SPRED1: variants seen among roughly 807,000 people sequenced by gnomAD.
SPRED1 encodes the protein sprouty related EVH1 domain containing 1, also known as sprouty-related, EVH1 domain-containing protein 1.
Under a neutral mutation model 52.3 loss-of-function variants are expected in SPRED1, and 18 were observed. That is an observed-to-expected ratio of 0.34 (90% CI 0.24 to 0.51). The LOEUF (loss-of-function observed/expected upper bound fraction) is 0.51, where lower values mean the gene tolerates loss of function less well. SPRED1 is among the 20% of genes least tolerant of loss of function. SPRED1 has a pLI of 0.97. For synonymous variants in SPRED1, 155 were observed against 179.7 expected, an observed-to-expected ratio of 0.86 and a Z score of 1.10; for missense variants, 485 against 551.0, an observed-to-expected ratio of 0.88 and a Z score of 1.20.
chr15:38,349,389 G>T (rs772936179), intron 5 of SPRED1, 33 bp from the exon 6 acceptor site: 1 of 1,486,234 alleles, frequency 6.7e-7, no homozygotes, highest in Non-Finnish European at 9.4e-7. Flanking sequence ...TAAAATTCTT[G>T]TGTCATTTAA....
chr15:38,254,331 G>A (rs1031146719), intron 1 of SPRED1, among the ~76,000 whole-genome samples: 3 of 152,014 alleles, frequency 2.0e-5, no homozygotes, highest in Admixed American at 2.0e-4. Context: ...CTAGAGAAAG[G>A]CCAAACAACA....
At chr15:38,342,881 G>A (rs1896056420) in intron 5 of SPRED1, among the ~76,000 whole-genome samples, 1 of 152,086 alleles carries the variant, frequency 6.6e-6, no homozygotes, top group Admixed American at 6.6e-5. Flanking sequence ...GAGAGTTAAA[G>A]ACTGGAGATA....
intron 4 of SPRED1, among the ~76,000 whole-genome samples, chr15:38,339,526 G>A (rs1895988072): frequency 6.6e-6 from 1 of 152,100 alleles, no homozygotes. Flanking sequence ...TTTTTCTCGT[G>A]AAGTTGAATT....
chr15:38,341,801 A>G (rs1201174764), intron 5 of SPRED1, among the ~76,000 whole-genome samples: 1 of 152,122 alleles, frequency 6.6e-6, no homozygotes, highest in Non-Finnish European at 1.5e-5. Flanking sequence ...TTAAAAAAGA[A>G]TGCACATTTT....
intron 1 of SPRED1, among the ~76,000 whole-genome samples, chr15:38,263,161 G>A (rs1566847448): frequency 6.6e-6 from 1 of 152,232 alleles, no homozygotes; most frequent in South Asian, 2.1e-4. Flanking sequence ...GAAGGAGTAG[G>A]AAGGTTGTGG....
intron 1 of SPRED1, among the ~76,000 whole-genome samples, chr15:38,271,560 T>A (rs908956079): frequency 6.6e-6 from 1 of 152,198 alleles, no homozygotes; most frequent in African/African-American, 2.4e-5. Context: ...TTCCAGGTGT[T>A]AGGACAGTAG....
At chr15:38,298,431 C>A in intron 1 of SPRED1, 1 of 263,354 alleles carries the variant, frequency 3.8e-6, no homozygotes, top group Non-Finnish European at 7.3e-6. Flanking sequence ...TAATTGCCAA[C>A]AACTAGAAAA....
chr15:38,277,260 G>T (rs541685128), intron 1 of SPRED1, among the ~76,000 whole-genome samples: 1 of 152,068 alleles, frequency 6.6e-6, no homozygotes, highest in African/African-American at 2.4e-5. Flanking sequence ...TGGTTTTTTT[G>T]ATCTGTTCCC....
chr15:38,355,742 C>T lies in SPRED1; in HGVS notation c.*4078C>T, dbSNP rs1888604383. The T allele has an allele frequency of 6.6e-6, 1 of 152,168 alleles. No individual in the cohort carries two copies. The highest frequency in any genetic ancestry group is 6.5e-5 in the Admixed American group (1 of 15,270). 9.4% of individuals were successfully genotyped at this position (152,168 alleles called of 1,614,324 possible). On this transcript the variant is annotated 3_prime_UTR_variant, in exon 7 of 7. Coordinates refer to ENST00000299084, the MANE Select transcript of SPRED1 (RefSeq NM_152594.3). ...TTCTTTACTAATTATTATGCTCATT[C>T]TTGATTTGACTTCCATGTTCACACT... is the stretch of plus-strand genomic sequence containing the variant.
chr15:38,349,514 C>G lies in SPRED1; in HGVS notation c.675C>G (p.Ser225=), dbSNP rs144764225. The change falls in exon 6 of 7, where the codon TCC becomes TCG. Residue 225 remains serine, a synonymous_variant. Coordinates refer to ENST00000299084, the MANE Select transcript of SPRED1 (RefSeq NM_152594.3). ...CCAAGGAATGTGGAAGCCTAAAGTC[C>G]CAAAATAGGGTAAGTAATGTTAGTT... The part of the protein sequence containing the change: ...QISKECGSLK[S]QNRVPLKSIR... The G allele has an allele frequency of 3.1e-6, 5 of 1,606,236 alleles. No individual in the cohort carries two copies. The South Asian group carries it at 4.4e-5, about 14-fold the overall frequency.
rs1190277869 is a variant in SPRED1, at chr15:38,256,641, C to T, written c.32+3424C>T. Among the ~76,000 whole-genome samples, 4 of 152,216 alleles carry T rather than the reference C, an allele frequency of 2.6e-5. No individual in the cohort carries two copies. The East Asian group carries it at 5.8e-4, about 22-fold the overall frequency. ...CTAGAATTAGACCATGTATGATAAA[C>T]GTACTATGTTGTAATCTGAGTTTGA... is the stretch of plus-strand genomic sequence containing the variant. On this transcript the variant is annotated intron_variant, in intron 1 of 6. Coordinates refer to ENST00000299084, the MANE Select transcript of SPRED1 (RefSeq NM_152594.3).
intron 5 of SPRED1, among the ~76,000 whole-genome samples, chr15:38,342,743 A>T (rs892887238): frequency 1.3e-5 from 2 of 152,108 alleles, no homozygotes; most frequent in Admixed American, 1.3e-4. Flanking sequence ...TTATTATGCT[A>T]TACCTATGTA....
At chr15:38,328,385 T>G (rs1895748698) in intron 4 of SPRED1, among the ~76,000 whole-genome samples, 2 of 152,190 alleles carry the variant, frequency 1.3e-5, no homozygotes, top group South Asian at 4.1e-4. Context: ...GCTAGACATT[T>G]CCTTCATAAG....
chr15:38,253,928 G>A (rs1894038129), intron 1 of SPRED1, among the ~76,000 whole-genome samples: 1 of 152,178 alleles, frequency 6.6e-6, no homozygotes, highest in Non-Finnish European at 1.5e-5. Context: ...TTACGTTGAT[G>A]TAACCGAATT....
rs771343745 is a variant in SPRED1 at position 38,351,478 on chromosome 15, AG to A, written c.1150del (p.Glu384ArgfsTer22). The A allele has an allele frequency of 6.2e-7, 1 of 1,614,168 alleles. No individual in the cohort carries two copies. The highest frequency in any genetic ancestry group is 1.1e-5 in the South Asian group (1 of 91,082). ...TGTTGTATCATTGTATGTCAGACTCAGAGGGAGATTTTTCTGATCCCTGTTC... is the reference window on the plus strand; with the variant it reads ...TGTTGTATCATTGTATGTCAGACTCAAGGGAGATTTTTCTGATCCCTGTTC... The part of the protein sequence containing the change: ...SMLYHCMSDS[E>X]GDFSDPCSCD... On this transcript the variant is annotated frameshift_variant, in exon 7 of 7. Transcript: ENST00000299084. LOFTEE classifies it high-confidence loss of function.
chr15:38,253,262 C>A, intron 1 of SPRED1, 45 bp downstream of exon 1: 1 of 1,546,074 alleles, frequency 6.5e-7, no homozygotes, highest in Non-Finnish European at 8.8e-7. Flanking sequence ...CTCCCCCTAT[C>A]CGCCCTCGGC....
rs979316464 is a variant in SPRED1, at chr15:38,338,689, A to G, written c.424-1048A>G. Among the ~76,000 whole-genome samples the G allele has an allele frequency of 2.0e-5, 3 of 152,262 alleles. No homozygotes were observed. The South Asian group carries it at 6.2e-4, about 32-fold the overall frequency. The stretch of plus-strand genomic sequence containing the variant: ...TTATTACCATTATATCCTTATGATA[A>G]CCCAGTGTCATAAAATAGCATCGGT... On this transcript the variant is annotated intron_variant, in intron 4 of 6. Coordinates refer to ENST00000299084, the MANE Select transcript of SPRED1 (RefSeq NM_152594.3).
intron 1 of SPRED1, among the ~76,000 whole-genome samples, chr15:38,294,476 G>T (rs1894992118): frequency 6.6e-6 from 1 of 152,074 alleles, no homozygotes; most frequent in Non-Finnish European, 1.5e-5. Flanking sequence ...TCCTGTTGCT[G>T]ATGTAGGCAA....
intron 1 of SPRED1, among the ~76,000 whole-genome samples, chr15:38,263,587 A>G (rs1390013438): frequency 6.6e-6 from 1 of 152,220 alleles, no homozygotes; most frequent in Non-Finnish European, 1.5e-5. Flanking sequence ...AAAAAGGAGT[A>G]TTGAGAAAGC....
Sources: allele counts gnomAD v4.1 joint callset (sites outside exome capture counted in the v4.1 genomes callset), GRCh38; gene constraint gnomAD v4.1.1; transcripts MANE v1.5; gene names NCBI Gene and HGNC (gene_info 2026-07-23, HGNC 2026-07-21).